Variants in AGMO observed in about 807,000 individuals in gnomAD.
AGMO encodes the protein glyceryl-ether monooxygenase.
A neutral mutation model predicts 60.2 loss-of-function variants in AGMO; 75 were observed. The observed-to-expected ratio is 1.25, with a 90% CI of 1.03 to 1.51. The LOEUF (loss-of-function observed/expected upper bound fraction) is 1.51, where lower values mean the gene tolerates loss of function less well. Among genes scored for constraint, AGMO ranks in the 40% most tolerant of loss-of-function variants. The probability of loss-of-function intolerance (pLI) is 0.00; values close to 1 mark genes in which losing one functional copy is unlikely to be tolerated. For missense variants in AGMO, 763 were observed against 525.5 expected, an observed-to-expected ratio of 1.45 and a Z score of -4.42; for synonymous variants, 261 against 177.1, an observed-to-expected ratio of 1.47 and a Z score of -3.76.
intron 12 of AGMO, among the ~76,000 whole-genome samples, chr7:15,315,553 G>T (rs1217279912): frequency 6.6e-6 from 1 of 151,828 alleles, no homozygotes; most frequent in African/African-American, 2.4e-5. Flanking sequence ...GGTCAGGATG[G>T]TCTCGATCTC....
chr7:15,328,155 T>G (rs1000172958), intron 12 of AGMO, among the ~76,000 whole-genome samples: 2 of 151,968 alleles, frequency 1.3e-5, no homozygotes, highest in African/African-American at 2.4e-5. Context: ...TGGAGTACAA[T>G]GGCACAATTT....
At chr7:15,133,613 A>AT in the AGMO span, among the ~76,000 whole-genome samples, 545 of 151,880 alleles carry the variant, frequency 3.6e-3, 2 homozygotes, top group African/African-American at 0.012. Flanking sequence ...AGGAGCTAGG[A>AT]TTTTTTTTTG....
At chr7:15,460,047 T>C (rs7782814) in intron 3 of AGMO, among the ~76,000 whole-genome samples, 120,041 of 151,140 alleles carry the variant, frequency 0.79, 48,705 homozygotes, top group African/African-American at 0.87. Flanking sequence ...ACGTACTTTG[T>C]ATCCCTGGGG....
chr7:15,540,846 AG>A (rs1784608303), intron 3 of AGMO, among the ~76,000 whole-genome samples: 1 of 152,184 alleles, frequency 6.6e-6, no homozygotes, highest in Non-Finnish European at 1.5e-5. Flanking sequence ...TTTCTATAAA[AG>A]TATATATATA....
intron 2 of AGMO, among the ~76,000 whole-genome samples, chr7:15,552,289 G>A (rs1784987732): frequency 6.6e-6 from 1 of 152,176 alleles, no homozygotes; most frequent in Non-Finnish European, 1.5e-5. Context: ...AACACCAAAA[G>A]CATTGGCAAC....
chr7:15,190,825 G>A, the AGMO span, among the ~76,000 whole-genome samples: 4 of 151,996 alleles, frequency 2.6e-5, no homozygotes, highest in South Asian at 8.3e-4. Context: ...ACTTGATCTG[G>A]ACCATTGCTC....
intron 12 of AGMO, among the ~76,000 whole-genome samples, chr7:15,233,741 A>G (rs896394071): frequency 3.3e-5 from 5 of 152,208 alleles, no homozygotes; most frequent in Non-Finnish European, 4.4e-5. Flanking sequence ...GGTGAAACGT[A>G]AGAATTTAAG....
intron 2 of AGMO, among the ~76,000 whole-genome samples, chr7:15,557,871 T>C (rs1174021996): frequency 6.6e-6 from 1 of 152,044 alleles, no homozygotes; most frequent in Non-Finnish European, 1.5e-5. Context: ...CCTTTTACCT[T>C]TCTCTCAAAG....
intron 12 of AGMO, among the ~76,000 whole-genome samples, chr7:15,303,931 T>C (rs1032145357): frequency 3.9e-5 from 6 of 152,168 alleles, no homozygotes; most frequent in Admixed American, 3.3e-4. Context: ...AATCATGATA[T>C]AGACCTGGAA....
intron 2 of AGMO, among the ~76,000 whole-genome samples, chr7:15,547,364 G>A (rs1371749132): frequency 6.6e-6 from 1 of 151,942 alleles, no homozygotes; most frequent in Non-Finnish European, 1.5e-5. Flanking sequence ...CAGCATGAGC[G>A]ACGCAGAAGA....
At chr7:15,318,934 G>C (rs1010110934) in intron 12 of AGMO, among the ~76,000 whole-genome samples, 3 of 152,022 alleles carry the variant, frequency 2.0e-5, no homozygotes, top group African/African-American at 4.8e-5. Flanking sequence ...AATCTTACTT[G>C]ATCATTCTTA....
chr7:15,408,719 T>C (rs572988710), intron 5 of AGMO, among the ~76,000 whole-genome samples: 2 of 152,064 alleles, frequency 1.3e-5, no homozygotes, highest in African/African-American at 2.4e-5. Context: ...ATGGTTCTGC[T>C]ACTAACTAGC....
chr7:15,391,041 A>G (rs1209460542), intron 6 of AGMO, 136 bp from the exon 7 acceptor site: 2 of 568,070 alleles, frequency 3.5e-6, no homozygotes, highest in Non-Finnish European at 6.2e-6. Flanking sequence ...ATGTCTTCTC[A>G]TTTATAACAT....
chr7:15,269,801 C>T (rs551549408), intron 12 of AGMO, among the ~76,000 whole-genome samples: 3 of 151,976 alleles, frequency 2.0e-5, no homozygotes, highest in Non-Finnish European at 4.4e-5. Context: ...CTATTATTTC[C>T]ATCTTTATAT....
At chr7:15,303,391 C>A (rs1206957752) in intron 12 of AGMO, among the ~76,000 whole-genome samples, 1 of 150,792 alleles carries the variant, frequency 6.6e-6, no homozygotes, top group African/African-American at 2.4e-5. Context: ...AGATGAATGT[C>A]TAATTGTGTA....
chr7:15,194,581 T>C, the AGMO span, among the ~76,000 whole-genome samples: 1 of 152,180 alleles, frequency 6.6e-6, no homozygotes, highest in Non-Finnish European at 1.5e-5. Flanking sequence ...TTTTGTGCAA[T>C]CAGTAATATC....
At chr7:15,480,829 C>A (rs570227663) in intron 3 of AGMO, among the ~76,000 whole-genome samples, 20 of 151,866 alleles carry the variant, frequency 1.3e-4, no homozygotes, top group Admixed American at 9.8e-4. Flanking sequence ...TCAAACACCA[C>A]CTAAGATTAA....
intron 3 of AGMO, among the ~76,000 whole-genome samples, chr7:15,543,872 G>C (rs1024997918): frequency 6.6e-6 from 1 of 151,438 alleles, no homozygotes; most frequent in South Asian, 2.1e-4. Context: ...CTTCTTTAAG[G>C]AATCTCCACA....
chr7:15,123,055 C>T, the AGMO span, among the ~76,000 whole-genome samples: 5 of 151,956 alleles, frequency 3.3e-5, no homozygotes, highest in African/African-American at 1.2e-4. Context: ...GCCTCCTTAC[C>T]GTTTTTAGAG....
Sources: gnomAD v4.1 joint callset for allele counts (sites outside exome capture counted in the v4.1 genomes callset) on GRCh38, gnomAD v4.1.1 for gene constraint, MANE v1.5 for transcripts, NCBI Gene and HGNC (gene_info 2026-07-23, HGNC 2026-07-21) for gene names.